LARP4B: variants seen among roughly 807,000 people sequenced by gnomAD.
LARP4B encodes la-related protein 4B.
Under a neutral mutation model 89.8 loss-of-function variants are expected in LARP4B, and 12 were observed. That is an observed-to-expected ratio of 0.13 (90% CI 0.09 to 0.22). The LOEUF (loss-of-function observed/expected upper bound fraction) is 0.22, where lower values mean the gene tolerates loss of function less well. Among genes scored for constraint, LARP4B ranks in the 10% least tolerant of loss-of-function variants. LARP4B has a pLI of 1.00. For missense variants in LARP4B, 757 were observed against 947.7 expected, an observed-to-expected ratio of 0.80 and a Z score of 2.64; for synonymous variants, 367 against 363.3, an observed-to-expected ratio of 1.01 and a Z score of -0.12.
intron 5 of LARP4B, among the ~76,000 whole-genome samples, chr10:849,344 A>G (rs541691269): frequency 3.8e-4 from 58 of 152,292 alleles, no homozygotes; most frequent in Admixed American, 1.2e-3. Context: ...ATAACCACAA[A>G]AAAACCCTAT....
chr10:977,823 G>A, the LARP4B span, among the ~76,000 whole-genome samples: 2 of 152,124 alleles, frequency 1.3e-5, no homozygotes, highest in Non-Finnish European at 2.9e-5. Flanking sequence ...GGTGTCCACA[G>A]GGATTCCTGG....
downstream of LARP4B, chr10:808,862 T>C (rs908433463): frequency 3.3e-5 from 5 of 151,752 alleles, no homozygotes; most frequent in Non-Finnish European, 5.9e-5. Flanking sequence ...AGAAGATTGA[T>C]AGATTTTACT....
the LARP4B span, among the ~76,000 whole-genome samples, chr10:961,534 G>C: frequency 6.6e-6 from 1 of 150,716 alleles, no homozygotes; most frequent in Non-Finnish European, 1.5e-5. Flanking sequence ...GAGGCCTCGG[G>C]AAGGTCCACT....
chr10:885,005 A>G (rs747088917), intron 2 of LARP4B, among the ~76,000 whole-genome samples: 3 of 152,096 alleles, frequency 2.0e-5, no homozygotes, highest in Non-Finnish European at 4.4e-5. Context: ...CTACCTCTAC[A>G]TTTTTCAGAC....
In LARP4B at chr10:815,418, C is replaced by T. The variant is rs143132787; in HGVS notation, c.1696-348G>A. The T allele has an allele frequency of 4.8e-3, 819 of 171,368 alleles. 5 individuals carry two copies. The highest frequency in any genetic ancestry group is 0.018 in the African/African-American group (765 of 42,176). 10.6% of individuals were successfully genotyped at this position (171,368 alleles called of 1,614,324 possible). A position where few individuals can be genotyped will look rare whatever the true frequency, so the allele number is the denominator to read the frequency against. On this transcript the variant is annotated intron_variant, in intron 15 of 17. Transcript: ENST00000316157. ...GCACGGCACGGCACAACACCACATGCATATCTGCTGAGTGTCGAATCCTAA... is the reference window on the plus strand; with the variant it reads ...GCACGGCACGGCACAACACCACATGTATATCTGCTGAGTGTCGAATCCTAA...
the LARP4B span, among the ~76,000 whole-genome samples, chr10:984,854 C>T: frequency 6.6e-6 from 1 of 152,128 alleles, no homozygotes; most frequent in Non-Finnish European, 1.5e-5. Flanking sequence ...ATTGCTTAAA[C>T]CTGGGAGGTG....
the LARP4B span, among the ~76,000 whole-genome samples, chr10:956,716 C>T: frequency 2.6e-5 from 4 of 152,310 alleles, no homozygotes; most frequent in African/African-American, 9.6e-5. The surrounding 1 kb of genome is among the most constrained non-coding windows in gnomAD (Gnocchi z 4.3). Context: ...GACTGGACTG[C>T]TCCCTGGAGG....
intron 1 of LARP4B, among the ~76,000 whole-genome samples, chr10:914,018 CATGTT>C (rs1356193064): frequency 6.6e-6 from 1 of 152,066 alleles, no homozygotes; most frequent in East Asian, 1.9e-4. Flanking sequence ...ATCTTAAAGC[CATGTT>C]ATGTTAATTA....
chr10:859,478 C>A (rs953724623), intron 5 of LARP4B, among the ~76,000 whole-genome samples: 5 of 152,130 alleles, frequency 3.3e-5, no homozygotes. Flanking sequence ...CAGCTTTCTA[C>A]AGAACTAAAC....
At chr10:948,359 GCCTTAGCCTC>G in the LARP4B span, among the ~76,000 whole-genome samples, 1 of 152,196 alleles carries the variant, frequency 6.6e-6, no homozygotes, top group African/African-American at 2.4e-5. Context: ...CGATTCTCCT[GCCTTAGCCTC>G]CCAAGTAGCT....
chr10:833,029 AG>A (rs1326524527), intron 8 of LARP4B, among the ~76,000 whole-genome samples: 1 of 152,156 alleles, frequency 6.6e-6, no homozygotes, highest in Non-Finnish European at 1.5e-5. Flanking sequence ...CTAGAAGTGG[AG>A]AATGGGAGAG....
At chr10:816,490 C>T (rs1832063499) in intron 15 of LARP4B, among the ~76,000 whole-genome samples, 1 of 152,166 alleles carries the variant, frequency 6.6e-6, no homozygotes, top group Non-Finnish European at 1.5e-5. Context: ...CAGGGTCAGG[C>T]TTTTCAAAGA....
intron 1 of LARP4B, among the ~76,000 whole-genome samples, chr10:919,392 A>G (rs1215451149): frequency 2.0e-5 from 3 of 152,168 alleles, no homozygotes. Context: ...AAGAAGCTAT[A>G]AAGTTCCCAT....
At chr10:933,609 C>T (rs909589347), upstream of LARP4B, among the ~76,000 whole-genome samples, 24 of 152,244 alleles carry the variant, frequency 1.6e-4, no homozygotes, top group African/African-American at 4.3e-4. Context: ...GAACATTTAA[C>T]GACATAAGAC....
chr10:846,702 C>T (rs1449700812), intron 5 of LARP4B, among the ~76,000 whole-genome samples: 1 of 152,106 alleles, frequency 6.6e-6, no homozygotes, highest in Non-Finnish European at 1.5e-5. Context: ...ATGGTGTAGA[C>T]AGACTGTGCA....
At chr10:820,900 T>G in intron 13 of LARP4B, 55 bp from the exon 14 acceptor site, 1 of 1,514,824 alleles carries the variant, frequency 6.6e-7, no homozygotes, top group Non-Finnish European at 9.1e-7. Flanking sequence ...GAGAATTTAT[T>G]ATTGAGCACG....
rs368791595 is a variant in LARP4B, at chr10:885,355, CCT to C, written c.81+284_81+285del. 2.0e-3 allele frequency among the ~76,000 whole-genome samples: 302 copies of C among 152,272 alleles called. 3 individuals are homozygous for C. The highest frequency in any genetic ancestry group is 0.017 in the South Asian group (84 of 4,834). ...TTCGCAAAAAAAAAATACAGTTTTC[CCT>C]GTTTCTTTGGTTCTTCCTTTGTGGA... On this transcript the variant is annotated intron_variant, in intron 2 of 17. Coordinates refer to ENST00000316157, the MANE Select transcript of LARP4B (RefSeq NM_015155.3).
intron 1 of LARP4B, among the ~76,000 whole-genome samples, chr10:894,664 T>C (rs1011219911): frequency 7.2e-5 from 11 of 152,230 alleles, no homozygotes; most frequent in Non-Finnish European, 1.3e-4. Context: ...ATAGTATTGT[T>C]ATATTTATTT....
rs186975326 is a variant in LARP4B at position 849,574 on chromosome 10, G to A, written c.431-4519C>T. Reference sequence around the variant, plus strand: ...AATTTTAAATAATTTACGAAGATTCGTGTCCTCATGGAGGGGGACCATAAA... The same window carrying A: ...AATTTTAAATAATTTACGAAGATTCATGTCCTCATGGAGGGGGACCATAAA... On this transcript the variant is annotated intron_variant, in intron 5 of 17. Transcript: ENST00000316157. Among the ~76,000 whole-genome samples, 790 of 152,262 alleles carry A rather than the reference G, an allele frequency of 5.2e-3. 5 individuals carry two copies. Among genetic ancestry groups the A allele is most frequent in the Non-Finnish European group, 7.2e-3 (489 of 68,020 alleles).
Sources: gnomAD v4.1 joint callset for allele counts (sites outside exome capture counted in the v4.1 genomes callset) on GRCh38, gnomAD v4.1.1 for gene constraint, Gnocchi (gnomAD v3.1) non-coding constraint, MANE v1.5 for transcripts, NCBI Gene and HGNC (gene_info 2026-07-23, HGNC 2026-07-21) for gene names.